CDC20B: variants seen among roughly 807,000 people sequenced by gnomAD.
CDC20B encodes cell division cycle protein 20 homolog B.
Under a neutral mutation model 64.1 loss-of-function variants are expected in CDC20B, and 58 were observed. The observed-to-expected ratio is 0.90, with a 90% confidence interval of 0.73 to 1.13. The LOEUF is 1.13. Ranked by LOEUF, CDC20B falls within the 50% of genes most tolerant of loss-of-function variation. The probability of loss-of-function intolerance (pLI) is 0.00; values close to 1 mark genes in which losing one functional copy is unlikely to be tolerated. For missense variants in CDC20B, 597 were observed against 633.0 expected (o/e 0.94, Z 0.61); for synonymous variants, 243 against 230.6 (o/e 1.05, Z -0.49).
chr5:55,166,289 T>C (rs1744381929), intron 2 of CDC20B: 1 of 152,206 alleles, frequency 6.6e-6, no homozygotes, highest in African/African-American at 2.4e-5. Context: ...CAGATGAACA[T>C]CCTGCCTTAA....
intron 10 of CDC20B, among the ~76,000 whole-genome samples, 193 bp from the exon 11 acceptor site, chr5:55,120,111 T>C (rs1742721667): frequency 6.6e-6 from 1 of 152,094 alleles, no homozygotes; most frequent in Non-Finnish European, 1.5e-5. Flanking sequence ...ACAAATAGGC[T>C]TAGGTGCAAT....
chr5:55,118,629 G>A (rs190467060), intron 11 of CDC20B, among the ~76,000 whole-genome samples: 2 of 152,242 alleles, frequency 1.3e-5, no homozygotes, highest in Admixed American at 1.3e-4. Flanking sequence ...AATCTGAAAA[G>A]GTCCAGGGAA....
intron 2 of CDC20B, chr5:55,164,122 G>A (rs1744246548): frequency 6.2e-7 from 1 of 1,607,342 alleles, no homozygotes. Flanking sequence ...GTCAAGTTGT[G>A]AAGTTCTGGA....
intron 8 of CDC20B, chr5:55,126,549 G>T: frequency 1.1e-5 from 2 of 187,408 alleles, no homozygotes; most frequent in Non-Finnish European, 2.2e-5. Context: ...ATATGAAAAT[G>T]AATGGCTATG....
In CDC20B at chr5:55,124,974, A is replaced by G; in HGVS notation, c.1044T>C (p.His348=). 6.2e-7 allele frequency: 1 copy of G among 1,614,194 alleles called. No individual in the cohort carries two copies. Among genetic ancestry groups the G allele is most frequent in the Non-Finnish European group, 8.5e-7 (1 of 1,180,006 alleles). ...CTTGCTTGTGGCGAAGTGTTCCAAC[A>G]TGATGCTGGGCTACCCGAACATCGT... ...YHHDVRVAQH[H]VGTLRHKQAV... The change falls in exon 9 of 12, where the codon CAT becomes CAC. Residue 348 remains histidine, a synonymous_variant. Coordinates refer to ENST00000381375, the MANE Select transcript of CDC20B (RefSeq NM_001170402.1).
intron 2 of CDC20B, among the ~76,000 whole-genome samples, chr5:55,150,139 A>C (rs1000800344): frequency 6.6e-6 from 1 of 152,236 alleles, no homozygotes; most frequent in Non-Finnish European, 1.5e-5. Context: ...TCTCAAAAAA[A>C]TAAATAAAAA....
intron 2 of CDC20B, chr5:55,164,795 T>C (rs1269376382): frequency 6.6e-6 from 1 of 152,218 alleles, no homozygotes; most frequent in Non-Finnish European, 1.5e-5. Flanking sequence ...AGGATTTTGT[T>C]TTTTCTTTTT....
At chr5:55,117,875 G>A (rs1240781876) in intron 11 of CDC20B, among the ~76,000 whole-genome samples, 1 of 152,152 alleles carries the variant, frequency 6.6e-6, no homozygotes, top group Non-Finnish European at 1.5e-5. Context: ...AGCACTTTGG[G>A]AGGCCGAGGT....
intron 5 of CDC20B, among the ~76,000 whole-genome samples, chr5:55,136,286 GCA>G: frequency 2.0e-5 from 3 of 151,764 alleles, no homozygotes; most frequent in Non-Finnish European, 4.4e-5. Flanking sequence ...CACGGCAGGT[GCA>G]GTGGTTCACA....
chr5:55,147,206 AATAT>A (rs1743513534), intron 2 of CDC20B, among the ~76,000 whole-genome samples: 1 of 108,818 alleles, frequency 9.2e-6, no homozygotes, highest in African/African-American at 3.3e-5. Context: ...TATAAACATA[AATAT>A]GTTATGTTTT....
Position 55,162,829 on chromosome 5 carries a change from T to C in CDC20B, c.126+9759A>G, listed in dbSNP as rs142787221. Among the ~76,000 whole-genome samples the C allele has an allele frequency of 8.8e-4, 134 of 152,318 alleles. No individual in the cohort carries two copies. The East Asian group carries it at 0.014, about 16-fold the overall frequency. ...CTAAAACCCTTCTTAGCCTGTGTAATCAAAAAGGTAACAGTGAGTTAAGGT... is the reference window on the plus strand; with the variant it reads ...CTAAAACCCTTCTTAGCCTGTGTAACCAAAAAGGTAACAGTGAGTTAAGGT... On this transcript the variant is annotated intron_variant, in intron 2 of 11. Coordinates refer to ENST00000381375, the MANE Select transcript of CDC20B (RefSeq NM_001170402.1).
chr5:55,123,241 T>C (rs1742799439), intron 9 of CDC20B, among the ~76,000 whole-genome samples: 1 of 152,150 alleles, frequency 6.6e-6, no homozygotes, highest in African/African-American at 2.4e-5. Context: ...CTGCTTTAAT[T>C]GTCTTTTTCA....
chr5:55,117,714 C>T (rs12518179), intron 11 of CDC20B, among the ~76,000 whole-genome samples: 90,880 of 151,982 alleles, frequency 0.6, 27,523 homozygotes, highest in Admixed American at 0.69. Context: ...CAAGATGTCA[C>T]CCACTACAGA....
intron 5 of CDC20B, among the ~76,000 whole-genome samples, chr5:55,139,823 G>A (rs1282222793): frequency 1.3e-5 from 2 of 151,934 alleles, no homozygotes; most frequent in Admixed American, 6.6e-5. Context: ...CCAGGAGTTC[G>A]AGACCAGCCA....
chr5:55,134,688 G>A (rs111880486), intron 5 of CDC20B, among the ~76,000 whole-genome samples: 2 of 152,266 alleles, frequency 1.3e-5, no homozygotes, highest in African/African-American at 4.8e-5. Context: ...CTTGAGCCAG[G>A]AGCGCCACTC....
chr5:55,162,999 A>G (rs192715689), intron 2 of CDC20B, among the ~76,000 whole-genome samples: 31 of 152,314 alleles, frequency 2.0e-4, no homozygotes, highest in Admixed American at 2.0e-3. Context: ...CTCATCTGCA[A>G]AACGGGGATG....
intron 2 of CDC20B, chr5:55,164,125 G>T: frequency 6.2e-7 from 1 of 1,607,816 alleles, no homozygotes; most frequent in Non-Finnish European, 8.5e-7. Flanking sequence ...AAGTTGTGAA[G>T]TTCTGGAAGC....
At chr5:55,148,344 T>C (rs1424056259) in intron 2 of CDC20B, among the ~76,000 whole-genome samples, 1 of 152,188 alleles carries the variant, frequency 6.6e-6, no homozygotes, top group Non-Finnish European at 1.5e-5. Flanking sequence ...GAAAGGACTT[T>C]TGGACAATGT....
intron 2 of CDC20B, among the ~76,000 whole-genome samples, chr5:55,167,379 A>G (rs1355871172): frequency 2.6e-5 from 4 of 152,224 alleles, no homozygotes; most frequent in Non-Finnish European, 2.9e-5. Context: ...GTACATATAT[A>G]TAATTCTTAA....
Sources: gnomAD v4.1 joint callset for allele counts (sites outside exome capture counted in the v4.1 genomes callset) on GRCh38, gnomAD v4.1.1 for gene constraint, MANE v1.5 for transcripts, NCBI Gene and HGNC (gene_info 2026-07-23, HGNC 2026-07-21) for gene names.